SPAG6: variants seen among roughly 807,000 people sequenced by gnomAD.
SPAG6 encodes sperm-associated antigen 6.
SPAG6 carries 49 observed loss-of-function variants against 58.5 expected under a neutral mutation model. The observed-to-expected ratio is 0.84, with a 90% CI of 0.67 to 1.06. SPAG6 has a LOEUF of 1.06. Among genes scored for constraint, SPAG6 ranks in the 50% least tolerant of loss-of-function variants. The pLI, the probability that SPAG6 is intolerant of heterozygous loss-of-function variation, is 0.00. For missense variants in SPAG6, 560 were observed against 611.3 expected, an observed-to-expected ratio of 0.92 and a Z score of 0.89; for synonymous variants, 233 against 225.6, an observed-to-expected ratio of 1.03 and a Z score of -0.29.
chr10:22,346,441 T>TCTTCTTCTC (rs1836537440), intron 2 of SPAG6, among the ~76,000 whole-genome samples: 1 of 131,942 alleles, frequency 7.6e-6, no homozygotes, highest in African/African-American at 3.4e-5. Flanking sequence ...TTCTTCTTCT[T>TCTTCTTCTC]CTTCTTCTTC....
chr10:22,411,840 C>CTTTTTTTTTTTTTT lies in SPAG6; in HGVS notation c.1460+677_1460+690dup, dbSNP rs546172800. On this transcript the variant is annotated intron_variant, in intron 10 of 10. Coordinates refer to ENST00000376624, the MANE Select transcript of SPAG6 (RefSeq NM_012443.4). Reference sequence around the variant, plus strand: ...AAGAGAATGATTTAAACAACTGAATCTTTTTTTTTTTTTTTTTTTTTTTTT... The same window carrying CTTTTTTTTTTTTTT: ...AAGAGAATGATTTAAACAACTGAATCTTTTTTTTTTTTTTTTTTTTTTTTTTTTTTTTTTTTTTT... Among the ~76,000 whole-genome samples, 28 of 66,792 alleles carry CTTTTTTTTTTTTTT rather than the reference C, an allele frequency of 4.2e-4. 2 individuals are homozygous for CTTTTTTTTTTTTTT. Among genetic ancestry groups the CTTTTTTTTTTTTTT allele is most frequent in the African/African-American group, 1.5e-3 (26 of 17,146 alleles). 43.8% of individuals were successfully genotyped at this position (66,792 alleles called of 152,430 possible).
intron 2 of SPAG6, among the ~76,000 whole-genome samples, chr10:22,357,347 G>A (rs1055048612): frequency 6.6e-6 from 1 of 152,024 alleles, no homozygotes; most frequent in African/African-American, 2.4e-5. Context: ...AGTTCCTTGA[G>A]GTCAAGGACA....
intron 2 of SPAG6, among the ~76,000 whole-genome samples, chr10:22,362,100 G>A (rs977570991): frequency 4.4e-5 from 6 of 136,208 alleles, no homozygotes; most frequent in East Asian, 2.1e-4. Flanking sequence ...TTATATATTC[G>A]ATGTAAATAT....
chr10:22,412,194 T>C (rs1159915702), intron 10 of SPAG6, among the ~76,000 whole-genome samples: 1 of 152,148 alleles, frequency 6.6e-6, no homozygotes, highest in Admixed American at 6.5e-5. Context: ...GCATGCAGGA[T>C]AAAGGCATAT....
At chr10:22,397,866 T>C (rs1834331934) in intron 8 of SPAG6, among the ~76,000 whole-genome samples, 1 of 152,014 alleles carries the variant, frequency 6.6e-6, no homozygotes, top group Admixed American at 6.6e-5. Flanking sequence ...ATAATCTCTA[T>C]CAAAATCCTA....
intron 8 of SPAG6, among the ~76,000 whole-genome samples, chr10:22,400,408 G>C (rs761378442): frequency 6.6e-6 from 1 of 152,154 alleles, no homozygotes; most frequent in Non-Finnish European, 1.5e-5. Flanking sequence ...GCCATGGCCT[G>C]AGGGCTGGCT....
At chr10:22,414,171 T>C (rs1357888826) in intron 10 of SPAG6, among the ~76,000 whole-genome samples, 2 of 152,094 alleles carry the variant, frequency 1.3e-5, no homozygotes, top group Non-Finnish European at 2.9e-5. Context: ...AACATCTAAT[T>C]TGGGGAGGGA....
At chr10:22,392,416 A>C (rs1834202827) in intron 8 of SPAG6, among the ~76,000 whole-genome samples, 1 of 151,970 alleles carries the variant, frequency 6.6e-6, no homozygotes, top group African/African-American at 2.4e-5. Flanking sequence ...TGTCTATAAG[A>C]CTCACTAAAT....
At chr10:22,389,660 C>T (rs758747284) in intron 7 of SPAG6, among the ~76,000 whole-genome samples, 2 of 152,118 alleles carry the variant, frequency 1.3e-5, no homozygotes, top group Non-Finnish European at 2.9e-5. Flanking sequence ...ATGACATGCC[C>T]AGTAGTCATT....
intron 7 of SPAG6, among the ~76,000 whole-genome samples, chr10:22,391,117 G>A (rs1157818977): frequency 6.6e-6 from 1 of 152,198 alleles, no homozygotes. Context: ...ATGTAAGCAT[G>A]TGCTGTGTAA....
At chr10:22,358,191 A>C (rs1836923554) in intron 2 of SPAG6, among the ~76,000 whole-genome samples, 1 of 152,182 alleles carries the variant, frequency 6.6e-6, no homozygotes, top group Non-Finnish European at 1.5e-5. Context: ...ACTAGTTTAC[A>C]GTCCCACCAA....
intron 10 of SPAG6, among the ~76,000 whole-genome samples, chr10:22,415,514 G>C (rs965528293): frequency 2.6e-5 from 4 of 152,054 alleles, no homozygotes; most frequent in African/African-American, 9.7e-5. Flanking sequence ...AGGCTGTTAG[G>C]GGAGAAACAT....
At chr10:22,386,985 A>T in intron 5 of SPAG6, 26 bp downstream of exon 5, 1 of 1,540,334 alleles carries the variant, frequency 6.5e-7, no homozygotes, top group Non-Finnish European at 9.0e-7. Context: ...GTTGAAAAAT[A>T]CATCAGCCTT....
rs59765652 is a variant in SPAG6 at position 22,413,688 on chromosome 10, G to GATATATATATATAT, written c.1460+2519_1460+2532dup. Among the ~76,000 whole-genome samples the GATATATATATATAT allele has an allele frequency of 5.9e-3, 837 of 141,588 alleles. 32 individuals carry two copies. The highest frequency in any genetic ancestry group is 0.022 in the African/African-American group (774 of 35,242). The allele number at this position is 141,588 out of a possible 152,430, so 92.9% of individuals were successfully genotyped here. On this transcript the variant is annotated intron_variant, in intron 10 of 10. Transcript: ENST00000376624. Reference sequence around the variant, plus strand: ...ACCTGACTAATGTTTTCAAATTTCTGATATATATATATATATATATTTCAC... The same window carrying GATATATATATATAT: ...ACCTGACTAATGTTTTCAAATTTCTGATATATATATATATATATATATATATATATATATTTCAC...
At chr10:22,369,329 A>G (rs1035925794) in intron 4 of SPAG6, among the ~76,000 whole-genome samples, 1 of 152,246 alleles carries the variant, frequency 6.6e-6, no homozygotes, top group African/African-American at 2.4e-5. Context: ...GGTAAAAAGT[A>G]CATGAGGAAC....
Position 22,399,018 on chromosome 10 carries a change from C to T in SPAG6, c.1198-2143C>T, listed in dbSNP as rs145706264. On this transcript the variant is annotated intron_variant, in intron 8 of 10. Transcript: ENST00000376624. ...ATTTTCAATAGACACAGGGTTTCAC[C>T]GTGTTGTCTAGGCTGGTCTCGAACT... Among the ~76,000 whole-genome samples the T allele has an allele frequency of 9.2e-3, 1,404 of 152,160 alleles. 22 individuals carry two copies. Among genetic ancestry groups the T allele is most frequent in the African/African-American group, 0.032 (1,330 of 41,512 alleles).
intron 2 of SPAG6, among the ~76,000 whole-genome samples, chr10:22,356,948 G>A (rs1019281141): frequency 4.6e-5 from 7 of 152,052 alleles, no homozygotes; most frequent in African/African-American, 1.4e-4. Context: ...ACTTAAAATC[G>A]TTTATTGGAT....
chr10:22,403,788 C>T (rs920824789), intron 9 of SPAG6, among the ~76,000 whole-genome samples: 1 of 145,598 alleles, frequency 6.9e-6, no homozygotes, highest in African/African-American at 2.6e-5. Flanking sequence ...ACATCCTCTC[C>T]AGCACCTGTT....
At chr10:22,411,358 G>A (rs755257735) in intron 10 of SPAG6, 182 bp downstream of exon 10, 2 of 478,436 alleles carry the variant, frequency 4.2e-6, no homozygotes, top group Non-Finnish European at 3.6e-6. Flanking sequence ...TGACTGACAC[G>A]CACATTTCCA....
Sources: allele counts gnomAD v4.1 joint callset (sites outside exome capture counted in the v4.1 genomes callset), GRCh38; gene constraint gnomAD v4.1.1; transcripts MANE v1.5; gene names NCBI Gene and HGNC (gene_info 2026-07-23, HGNC 2026-07-21).